The following ADAMTS3 variants were observed in gnomAD, a reference collection of about 807,000 sequenced individuals.
The protein encoded by ADAMTS3 is A disintegrin and metalloproteinase with thrombospondin motifs 3.
Under a neutral mutation model 129.0 loss-of-function variants are expected in ADAMTS3, and 73 were observed. The observed-to-expected ratio is 0.57, with a 90% CI of 0.47 to 0.69. ADAMTS3 has a LOEUF of 0.69. Among genes scored for constraint, ADAMTS3 ranks in the 30% least tolerant of loss-of-function variants. ADAMTS3 has a pLI of 0.00. For synonymous variants in ADAMTS3, 477 were observed against 510.8 expected (o/e 0.93, Z 0.89); for missense variants, 1,457 against 1,514.5 (o/e 0.96, Z 0.63).
chr4:72,474,524 T>C (rs139502043), intron 3 of ADAMTS3, among the ~76,000 whole-genome samples: 4 of 150,808 alleles, frequency 2.7e-5, no homozygotes, highest in Non-Finnish European at 5.9e-5. Flanking sequence ...AGAAAGAAAA[T>C]AGACTACATA....
intron 2 of ADAMTS3, among the ~76,000 whole-genome samples, chr4:72,555,623 T>C (rs1721744122): frequency 6.6e-6 from 1 of 151,886 alleles, no homozygotes; most frequent in Non-Finnish European, 1.5e-5. Context: ...GTTTCATCCT[T>C]TCAGAAACTA....
intron 5 of ADAMTS3, among the ~76,000 whole-genome samples, chr4:72,332,225 A>C (rs368352121): frequency 7.1e-6 from 1 of 141,610 alleles, no homozygotes; most frequent in African/African-American, 3.2e-5. Context: ...AATGTTTTCA[A>C]AAAAGTTAAA....
Position 72,305,379 on chromosome 4 carries a change from A to G in ADAMTS3, c.2260+608T>C, listed in dbSNP as rs80292124. 9.6e-3 allele frequency among the ~76,000 whole-genome samples: 1,461 copies of G among 152,234 alleles called. 27 individuals are homozygous for G. Among genetic ancestry groups the G allele is most frequent in the African/African-American group, 0.033 (1,366 of 41,578 alleles). ...TGTGGTTGCTTTTCAAAGAATGTGA[A>G]ATACAATAAAAATAAGGATACGTAC... On this transcript the variant is annotated intron_variant, in intron 16 of 21. Transcript: ENST00000286657.
At position 72,421,672 on chromosome 4, in the gene ADAMTS3, C is replaced by A. The variant is rs1053633286; in HGVS notation, c.505-6701G>T. Among the ~76,000 whole-genome samples, 4 of 152,082 alleles carry A rather than the reference C, an allele frequency of 2.6e-5. No individual in the cohort carries two copies. The East Asian group carries it at 7.7e-4, about 29-fold the overall frequency. The stretch of plus-strand genomic sequence containing the variant: ...AAACATTTAATTAGAGTAGTGGGGG[C>A]TGAAGAGATATTACAAGGAGTTACA... On this transcript the variant is annotated intron_variant, in intron 3 of 21. Coordinates refer to ENST00000286657, the MANE Select transcript of ADAMTS3 (RefSeq NM_014243.3).
intron 3 of ADAMTS3, among the ~76,000 whole-genome samples, chr4:72,440,238 G>A (rs191642653): frequency 1.3e-3 from 195 of 151,768 alleles, no homozygotes; most frequent in Non-Finnish European, 6.3e-4. Context: ...AGACATGAAG[G>A]TCTAAATTCC....
At chr4:72,325,742 C>T (rs1318425727) in intron 5 of ADAMTS3, among the ~76,000 whole-genome samples, 1 of 152,098 alleles carries the variant, frequency 6.6e-6, no homozygotes, top group Non-Finnish European at 1.5e-5. Context: ...ATAACAGTGA[C>T]AGCTATACTG....
chr4:72,520,530 C>T lies in ADAMTS3; in HGVS notation c.504+27948G>A, dbSNP rs546623920. Among the ~76,000 whole-genome samples, 15 of 152,344 alleles carry T rather than the reference C, an allele frequency of 9.8e-5. No homozygotes were observed. In the East Asian group the frequency reaches 2.9e-3, roughly 30 times the overall value. ...TTCCCGGCTGCTTTGTTTACCTAAG[C>T]GAGCCTGGGCAATGGCGGGCGCCCC... On this transcript the variant is annotated intron_variant, in intron 3 of 21. Coordinates refer to ENST00000286657, the MANE Select transcript of ADAMTS3 (RefSeq NM_014243.3).
intron 3 of ADAMTS3, among the ~76,000 whole-genome samples, chr4:72,526,473 A>G (rs1233705866): frequency 6.6e-6 from 1 of 151,384 alleles, no homozygotes; most frequent in Non-Finnish European, 1.5e-5. Context: ...CAAATCCTTA[A>G]ATTTTCCTCA....
intron 3 of ADAMTS3, among the ~76,000 whole-genome samples, chr4:72,536,144 T>C (rs1286418852): frequency 6.6e-6 from 1 of 152,172 alleles, no homozygotes; most frequent in East Asian, 1.9e-4. Context: ...CTATCATGGT[T>C]ATTATATTTT....
intron 3 of ADAMTS3, among the ~76,000 whole-genome samples, chr4:72,421,966 A>T (rs2109934646): frequency 6.6e-6 from 1 of 152,328 alleles, no homozygotes; most frequent in East Asian, 1.9e-4. Context: ...GTAGTCATGC[A>T]TTCAACAGAT....
intron 3 of ADAMTS3, among the ~76,000 whole-genome samples, chr4:72,466,703 C>A (rs1210143274): frequency 6.6e-6 from 1 of 151,988 alleles, no homozygotes; most frequent in Non-Finnish European, 1.5e-5. Context: ...GTTATTTGCC[C>A]AAGTTCTACC....
intron 3 of ADAMTS3, among the ~76,000 whole-genome samples, chr4:72,432,142 C>T (rs1471748358): frequency 6.6e-6 from 1 of 151,922 alleles, no homozygotes; most frequent in Admixed American, 6.6e-5. Context: ...TTCCTAGGTA[C>T]ATAGGAGAAC....
At chr4:72,376,321 C>T (rs984890670) in intron 4 of ADAMTS3, among the ~76,000 whole-genome samples, 6 of 152,064 alleles carry the variant, frequency 3.9e-5, no homozygotes, top group East Asian at 1.9e-4. Context: ...CTTCATACGG[C>T]GGAAAGGTAG....
At chr4:72,386,379 T>C (rs1287259411) in intron 4 of ADAMTS3, among the ~76,000 whole-genome samples, 5 of 152,198 alleles carry the variant, frequency 3.3e-5, no homozygotes, top group Non-Finnish European at 7.4e-5. Flanking sequence ...CTAGCAATAC[T>C]GAAGTTAAAT....
intron 3 of ADAMTS3, among the ~76,000 whole-genome samples, chr4:72,517,714 G>A (rs1426330732): frequency 6.6e-6 from 1 of 151,624 alleles, no homozygotes; most frequent in Non-Finnish European, 1.5e-5. Context: ...GCGTCTATTT[G>A]ATTCTTCTCT....
intron 3 of ADAMTS3, among the ~76,000 whole-genome samples, chr4:72,503,840 C>G (rs1445495187): frequency 6.6e-6 from 1 of 152,148 alleles, no homozygotes; most frequent in Non-Finnish European, 1.5e-5. Flanking sequence ...AACCCTTTAT[C>G]ATTATGTAAT....
At chr4:72,396,758 A>G (rs1254473605) in intron 4 of ADAMTS3, among the ~76,000 whole-genome samples, 1 of 152,208 alleles carries the variant, frequency 6.6e-6, no homozygotes, top group Non-Finnish European at 1.5e-5. Flanking sequence ...TGGATTTACA[A>G]AAGTACTAAG....
chr4:72,489,646 C>T (rs1719688533), intron 3 of ADAMTS3, among the ~76,000 whole-genome samples: 1 of 151,834 alleles, frequency 6.6e-6, no homozygotes, highest in African/African-American at 2.4e-5. Flanking sequence ...ACGGCATTCA[C>T]CTCACTTCAT....
intron 2 of ADAMTS3, among the ~76,000 whole-genome samples, chr4:72,561,209 G>A (rs927298473): frequency 1.3e-5 from 2 of 152,080 alleles, no homozygotes; most frequent in African/African-American, 4.8e-5. Context: ...ATTAGCCGGC[G>A]TGGTAGTATG....
Sources: allele counts gnomAD v4.1 joint callset (sites outside exome capture counted in the v4.1 genomes callset), GRCh38; gene constraint gnomAD v4.1.1; transcripts MANE v1.5; gene names NCBI Gene and HGNC (gene_info 2026-07-23, HGNC 2026-07-21).